Variants in HERC5 observed in about 807,000 individuals in gnomAD.
The protein encoded by HERC5 is E3 ISG15--protein ligase HERC5.
A neutral mutation model predicts 119.6 loss-of-function variants in HERC5; 99 were observed. That is an observed-to-expected ratio of 0.83 (90% confidence interval 0.70 to 0.98). The LOEUF (loss-of-function observed/expected upper bound fraction) is 0.98. Among genes scored for constraint, HERC5 ranks in the 50% least tolerant of loss-of-function variants. HERC5 has a pLI of 0.00. For missense variants in HERC5, 1,267 were observed against 1,241.3 expected (o/e 1.02, Z -0.31); for synonymous variants, 478 against 445.9 (o/e 1.07, Z -0.91).
In HERC5 at chr4:88,479,523, G is replaced by A; in HGVS notation, c.1737+16G>A. On this transcript the variant is annotated intron_variant, in intron 13 of 22. Coordinates refer to ENST00000264350, the MANE Select transcript of HERC5 (RefSeq NM_016323.4). Reference sequence around the variant, plus strand: ...GCTGCACAGGGTAAGAGTTCCTTTAGAAACCTCTGTGTTTTTATCTAGCTG... The same window carrying A: ...GCTGCACAGGGTAAGAGTTCCTTTAAAAACCTCTGTGTTTTTATCTAGCTG... 1 of 1,538,744 alleles carries A rather than the reference G, an allele frequency of 6.5e-7. No homozygotes were observed. The highest frequency in any genetic ancestry group is 8.7e-7 in the Non-Finnish European group (1 of 1,146,882).
chr4:88,486,059 T>A lies in HERC5; in HGVS notation c.1738-56T>A, dbSNP rs1488211116. On this transcript the variant is annotated intron_variant, in intron 13 of 22. Transcript: ENST00000264350. ...AATCTGATAATCTAATTAACAGCTA[T>A]TAAGCAAAATTGTCTTTAAATATAA... 3 of 990,816 alleles carry A rather than the reference T, an allele frequency of 3.0e-6. No individual in the cohort carries two copies. In the African/African-American group the frequency reaches 4.9e-5, roughly 16 times the overall value. The allele number at this position is 990,816 out of a possible 1,614,324, so 61.4% of individuals were successfully genotyped here. A position where few individuals can be genotyped will look rare whatever the true frequency, so the allele number is the denominator to read the frequency against.
chr4:88,495,598 GTAT>G (rs1418048744), intron 18 of HERC5, among the ~76,000 whole-genome samples: 1 of 152,014 alleles, frequency 6.6e-6, no homozygotes, highest in African/African-American at 2.4e-5. Flanking sequence ...TATGATTCTA[GTAT>G]TATTATCATC....
chr4:88,460,703 A>G (rs575435574), intron 3 of HERC5, among the ~76,000 whole-genome samples: 51 of 152,326 alleles, frequency 3.3e-4, no homozygotes, highest in African/African-American at 1.1e-3. Context: ...AAACTTGACT[A>G]TGAGGCCAGG....
chr4:88,504,460 A>G (rs745863921), intron 21 of HERC5, 35 bp from the exon 22 acceptor site: 3 of 1,566,734 alleles, frequency 1.9e-6, no homozygotes, highest in African/African-American at 1.4e-5. Context: ...TTTCCTTCCT[A>G]TTTCCTCAAT....
intron 10 of HERC5, 85 bp from the exon 11 acceptor site, chr4:88,472,324 T>C (rs1423762338): frequency 1.3e-6 from 1 of 748,846 alleles, no homozygotes. Flanking sequence ...AAAGGTAATT[T>C]TGTTGAAATG....
rs2149097535 is a variant in HERC5, at chr4:88,479,415, G to A, written c.1645G>A (p.Ala549Thr). Residue 549 changes from alanine to threonine, a missense_variant, in exon 13 of 23, where the codon GCC (alanine) becomes ACC (threonine). Physicochemically the swap from Ala to Thr is moderately conservative, Grantham distance 58. Transcript: ENST00000264350. ...FSKLVQMFKTAVICQLDYWDE... is the reference protein window; with the variant it reads ...FSKLVQMFKTTVICQLDYWDE... ...CAAACTGGTCCAGATGTTTAAAACAGCCGTCATATGCCAGTTGGATTACTG... is the reference window on the plus strand; with the variant it reads ...CAAACTGGTCCAGATGTTTAAAACAACCGTCATATGCCAGTTGGATTACTG... 5.0e-6 allele frequency: 8 copies of A among 1,613,242 alleles called. No homozygotes were observed. Among genetic ancestry groups the A allele is most frequent in the Non-Finnish European group, 6.8e-6 (8 of 1,179,664 alleles).
chr4:88,488,692 T>C (rs1300118988), intron 15 of HERC5, among the ~76,000 whole-genome samples: 1 of 152,136 alleles, frequency 6.6e-6, no homozygotes, highest in Non-Finnish European at 1.5e-5. Flanking sequence ...GTTTTTTTTT[T>C]CCTGGAGTAG....
chr4:88,458,450 G>A (rs936341387), intron 1 of HERC5, among the ~76,000 whole-genome samples: 7 of 151,844 alleles, frequency 4.6e-5, no homozygotes, highest in Non-Finnish European at 7.4e-5. Flanking sequence ...CAGTACTGAG[G>A]TAGGAGGGGA....
chr4:88,465,250 T>C (rs2149087903), intron 6 of HERC5, among the ~76,000 whole-genome samples: 1 of 152,308 alleles, frequency 6.6e-6, no homozygotes, highest in Admixed American at 6.5e-5. Flanking sequence ...TCAGTCCACG[T>C]CTTGCCAGAG....
rs1466497687 is a variant in HERC5, at chr4:88,460,103, G to A, written c.398G>A (p.Ser133Asn). The A allele has an allele frequency of 6.4e-7, 1 of 1,558,432 alleles. No individual in the cohort carries two copies. Residue 133 changes from serine to asparagine, a missense_variant, in exon 3 of 23, where the codon AGC becomes AAC. Ser to Asn is a conservative substitution (Grantham distance 46, BLOSUM62 1). This residue lies in a region of HERC5 where 777 missense variants were observed against 758.0 expected (regional missense o/e 1.03). Transcript: ENST00000264350. ...GTATTTTCCTTCATCAGGTTTGAAA[G>A]CATTTTACAAGAAAAAAAAATAATT... ...NYSMKHLRFE[S>N]ILQEKKIIQI... is the part of the protein sequence containing the mutation.
chr4:88,480,384 T>C (rs1459504015), intron 13 of HERC5, among the ~76,000 whole-genome samples: 1 of 152,090 alleles, frequency 6.6e-6, no homozygotes, highest in Non-Finnish European at 1.5e-5. Flanking sequence ...GAATATACCA[T>C]ACTTAGCTTA....
At position 88,504,386 on chromosome 4, in the gene HERC5, A is replaced by C. The variant is rs1405952068; in HGVS notation, c.2737A>C (p.Thr913Pro). 2 of 1,608,024 alleles carry C rather than the reference A, an allele frequency of 1.2e-6. No individual in the cohort carries two copies. The highest frequency in any genetic ancestry group is 1.7e-6 in the Non-Finnish European group (2 of 1,175,680). Reference protein sequence around the residue: ...EELKDVIVGNTDYDWKTFEKN... With the variant: ...EELKDVIVGNPDYDWKTFEKN... ...ACTGAAGGATGTGATTGTTGGAAAT[A>C]CAGATTATGATTGGAAAACATTTGA... Residue 913 changes from threonine to proline, a missense_variant, in exon 21 of 23, where the codon ACA becomes CCA. Physicochemically the swap from Thr to Pro is conservative, Grantham distance 38. Coordinates refer to ENST00000264350, the MANE Select transcript of HERC5 (RefSeq NM_016323.4).
intron 16 of HERC5, among the ~76,000 whole-genome samples, chr4:88,492,687 A>T (rs1056860634): frequency 6.6e-6 from 1 of 152,110 alleles, no homozygotes; most frequent in African/African-American, 2.4e-5. Flanking sequence ...CGGAGGTTGC[A>T]GTGAGCCGAG....
chr4:88,476,694 G>A (rs1309346176), intron 12 of HERC5, among the ~76,000 whole-genome samples: 1 of 152,154 alleles, frequency 6.6e-6, no homozygotes, highest in African/African-American at 2.4e-5. Flanking sequence ...GCTGAGGCAG[G>A]CAGATCACCT....
intron 9 of HERC5, among the ~76,000 whole-genome samples, chr4:88,469,680 C>G: frequency 6.6e-6 from 1 of 152,162 alleles, no homozygotes; most frequent in East Asian, 1.9e-4. Context: ...AAGGTCCTTT[C>G]TTTTTATTCA....
rs746073656 is a variant in HERC5, at chr4:88,463,909, T to G, written c.835T>G (p.Ser279Ala). The change falls in exon 6 of 23, where the codon TCA becomes GCA. Residue 279 changes from serine to alanine, a missense_variant. Physicochemically the swap from Ser to Ala is moderately conservative, Grantham distance 99. This residue lies in a region of HERC5 where 777 missense variants were observed against 758.0 expected (regional missense o/e 1.03). Transcript: ENST00000264350. ...AGKHGQLGHN[S>A]TQNELRPCLV... ...AAAACATGGGCAACTTGGTCATAATTCAACACAGAATGAGCTAAGACCCTG... is the reference window on the plus strand; with the variant it reads ...AAAACATGGGCAACTTGGTCATAATGCAACACAGAATGAGCTAAGACCCTG... 9 of 1,613,946 alleles carry G rather than the reference T, an allele frequency of 5.6e-6. No homozygotes were observed. The highest frequency in any genetic ancestry group is 7.6e-6 in the Non-Finnish European group (9 of 1,180,016).
At chr4:88,476,319 C>T (rs1417700580) in intron 12 of HERC5, among the ~76,000 whole-genome samples, 1 of 152,058 alleles carries the variant, frequency 6.6e-6, no homozygotes, top group Non-Finnish European at 1.5e-5. Flanking sequence ...GTATGGTATA[C>T]CATATGCAAT....
chr4:88,493,289 T>A, intron 17 of HERC5, 134 bp downstream of exon 17: 1 of 718,150 alleles, frequency 1.4e-6, no homozygotes, highest in Non-Finnish European at 2.1e-6. Flanking sequence ...AATGTATAAT[T>A]CTAATAAGGT....
At chr4:88,457,609 C>CG (rs150387057) in intron 1 of HERC5, 75 bp downstream of exon 1, 154,770 of 1,212,876 alleles carry the variant, frequency 0.13, 11,103 homozygotes, top group East Asian at 0.21. Flanking sequence ...GGCGGGCAGC[C>CG]GGGGGTCCGC....
Sources: gnomAD v4.1 joint callset for allele counts (sites outside exome capture counted in the v4.1 genomes callset) on GRCh38, gnomAD v4.1.1 for gene constraint, gnomAD v4.1.1 regional missense constraint, MANE v1.5 for transcripts, NCBI Gene and HGNC (gene_info 2026-07-23, HGNC 2026-07-21) for gene names.